The following TTLL8 variants were observed in gnomAD, a reference collection of about 807,000 sequenced individuals.
TTLL8 encodes tubulin tyrosine ligase like 8.
A neutral mutation model predicts 77.8 loss-of-function variants in TTLL8; 65 were observed. The ratio of observed to expected loss-of-function variants is 0.84; its 90% CI spans 0.68 to 1.03. TTLL8 has a LOEUF of 1.03. TTLL8 is among the 50% of genes least tolerant of loss of function. TTLL8 has a pLI of 0.00. For synonymous variants in TTLL8, 402 were observed against 422.8 expected (o/e 0.95, Z 0.60); for missense variants, 910 against 1,004.5 (o/e 0.91, Z 1.27).
upstream of TTLL8, chr22:50,056,902 A>C (rs1243546967): frequency 1.1e-5 from 14 of 1,289,700 alleles, no homozygotes; most frequent in East Asian, 5.5e-5. This position sits in a 1 kb window ranked among gnomAD's most constrained non-coding sequence, Gnocchi z 4.1. Flanking sequence ...TCTGAAGAAG[A>C]AGCCAACGAT....
At chr22:50,021,003 G>GACA (rs2061194309) in intron 12 of TTLL8, among the ~76,000 whole-genome samples, 2 of 142,984 alleles carry the variant, frequency 1.4e-5, no homozygotes, top group South Asian at 2.3e-4. Flanking sequence ...TCCATCTGAC[G>GACA]TGCACTCCTC....
At chr22:50,033,527 C>A in intron 9 of TTLL8, 82 bp from the exon 11 acceptor site, 1 of 1,234,798 alleles carries the variant, frequency 8.1e-7, no homozygotes. Flanking sequence ...GGCAGGGTCG[C>A]AGCTTGGCCC....
At chr22:50,056,240 G>A (rs542586800), upstream of TTLL8, among the ~76,000 whole-genome samples, 8 of 152,280 alleles carry the variant, frequency 5.3e-5, no homozygotes, top group South Asian at 2.1e-4. This position sits in a 1 kb window ranked among gnomAD's most constrained non-coding sequence, Gnocchi z 4.1. Context: ...CGATTTAACC[G>A]CGGCCTGCAG....
intron 10 of TTLL8, among the ~76,000 whole-genome samples, chr22:50,032,733 G>A (rs543162449): frequency 2.0e-5 from 3 of 152,318 alleles, no homozygotes; most frequent in South Asian, 2.1e-4. Flanking sequence ...GGTGGCAGGC[G>A]TCGCTGTGTG....
chr22:50,057,844 G>A (rs1420183038), upstream of TTLL8, among the ~76,000 whole-genome samples: 2 of 151,658 alleles, frequency 1.3e-5, no homozygotes, highest in African/African-American at 4.9e-5. Context: ...GCAGAGGGGA[G>A]TGGACAGCTG....
intron 1 of TTLL8, among the ~76,000 whole-genome samples, chr22:50,051,815 T>A (rs1220112550): frequency 7.2e-5 from 11 of 152,206 alleles, no homozygotes; most frequent in Non-Finnish European, 1.6e-4. Flanking sequence ...TCACGTTTGT[T>A]GGCTGTTTGT....
chr22:50,045,710 T>C, intron 5 of TTLL8, 146 bp downstream of exon 7: 1 of 1,197,060 alleles, frequency 8.4e-7, no homozygotes, highest in Non-Finnish European at 1.1e-6. Flanking sequence ...CTGGCCTCTG[T>C]ACTGCCATGA....
chr22:50,036,868 G>C (rs2146662780), intron 8 of TTLL8, among the ~76,000 whole-genome samples: 1 of 152,304 alleles, frequency 6.6e-6, no homozygotes, highest in African/African-American at 2.4e-5. Flanking sequence ...TAACTGCTGG[G>C]ATTACAGGTG....
At chr22:50,045,116 C>G (rs973791929) in intron 6 of TTLL8, 139 bp downstream of exon 8, 2 of 997,240 alleles carry the variant, frequency 2.0e-6, no homozygotes, top group African/African-American at 3.4e-5. Context: ...CCATGAGAAT[C>G]GAGAGAGTCT....
chr22:50,049,322 T>A, exon 3 of TTLL8: 5 of 1,367,502 alleles, frequency 3.7e-6, no homozygotes, highest in Non-Finnish European at 4.9e-6. Flanking sequence ...ACATGTATCA[T>A]CTGCCAACAA....
exon 12 of TTLL8, chr22:50,030,544 C>T (rs776622593): frequency 1.1e-5 from 14 of 1,322,502 alleles, no homozygotes; most frequent in Non-Finnish European, 1.4e-5. Context: ...GCGGGCTGGG[C>T]TACGGGGACA....
chr22:50,028,788 G>A lies in TTLL8; in HGVS notation c.2203+1642C>T, dbSNP rs770356340. 2.4e-3 allele frequency among the ~76,000 whole-genome samples: 43 copies of A among 18,080 alleles called. 1 individual carries two copies. The highest frequency in any genetic ancestry group is 0.062 in the Middle Eastern group (1 of 16). 11.9% of individuals were successfully genotyped at this position (18,080 alleles called of 152,430 possible). ...ACCCTCGTAAAGACCCCATCACACC[G>A]TCCTGAAGACCCCACACACCCTCGT... On this transcript the variant is annotated intron_variant, in intron 12 of 13. Transcript: ENST00000266182.
chr22:50,050,110 A>G (rs1601938091), exon 2 of TTLL8: 1 of 1,366,850 alleles, frequency 7.3e-7, no homozygotes, highest in Non-Finnish European at 9.8e-7. Context: ...ATACGCTACC[A>G]TTGACCCGGG....
At chr22:50,040,195 C>G (rs533681034) in intron 8 of TTLL8, among the ~76,000 whole-genome samples, 32 of 151,604 alleles carry the variant, frequency 2.1e-4, no homozygotes, top group African/African-American at 7.8e-4. Flanking sequence ...ACGGACCTCA[C>G]GGACCTCACA....
chr22:50,049,117 G>A, intron 3 of TTLL8, 132 bp downstream of exon 5: 1 of 1,295,540 alleles, frequency 7.7e-7, no homozygotes, highest in Non-Finnish European at 1.0e-6. Flanking sequence ...AAGGGGCCCT[G>A]CTGTGACTGG....
chr22:50,046,282 C>T (rs548980404), intron 4 of TTLL8, among the ~76,000 whole-genome samples: 2 of 152,276 alleles, frequency 1.3e-5, no homozygotes, highest in Admixed American at 1.3e-4. Context: ...ACTGGGGCTC[C>T]CTCCAGGCCC....
chr22:50,021,262 AATG>A (rs2061197034), intron 12 of TTLL8, among the ~76,000 whole-genome samples: 1 of 98,654 alleles, frequency 1.0e-5, no homozygotes, highest in Admixed American at 1.2e-4. Flanking sequence ...TCCATCTGAC[AATG>A]TGCACTCCTC....
rs201070847 is a variant in TTLL8, at chr22:50,030,548, G to T, written c.2085C>A (p.Pro695=). ...CCCAGCTTTTGGCGGGCTGGGCTAC[G>T]GGGACACCGGTGTTTGGGGCCTGAC... Residue 695 remains proline, a synonymous_variant, in exon 12 of 14, where the codon CCC becomes CCA. Coordinates refer to ENST00000266182, the Ensembl canonical transcript of TTLL8. The T allele has an allele frequency of 8.3e-6, 11 of 1,320,052 alleles. No individual in the cohort carries two copies. The South Asian group carries it at 1.4e-4, about 16-fold the overall frequency. The allele number at this position is 1,320,052 out of a possible 1,614,324, so 81.8% of individuals were successfully genotyped here.
Position 50,044,965 on chromosome 22 carries a change from G to A in TTLL8, c.643+290C>T, listed in dbSNP as rs1001505861. On this transcript the variant is annotated intron_variant, in intron 6 of 13. Transcript: ENST00000266182. The surrounding 1 kb of genome is among the most constrained non-coding windows in gnomAD (Gnocchi z 4.2). ...GGGGTGGGGCAGGCTTCCGACCACAGGCTGGAACCACGTCCGCGGCACAGG... is the reference window on the plus strand; with the variant it reads ...GGGGTGGGGCAGGCTTCCGACCACAAGCTGGAACCACGTCCGCGGCACAGG... 6.6e-6 allele frequency among the ~76,000 whole-genome samples: 1 copy of A among 152,168 alleles called. No individual in the cohort carries two copies. The highest frequency in any genetic ancestry group is 1.5e-5 in the Non-Finnish European group (1 of 68,034).
Sources: allele counts gnomAD v4.1 joint callset (sites outside exome capture counted in the v4.1 genomes callset), GRCh38; gene constraint gnomAD v4.1.1; non-coding constraint Gnocchi (gnomAD v3.1); transcripts MANE v1.5; gene names NCBI Gene and HGNC (gene_info 2026-07-23, HGNC 2026-07-21).